RBL1: variants seen among roughly 807,000 people sequenced by gnomAD.
RBL1 encodes the protein RB transcriptional corepressor like 1, also known as retinoblastoma-like protein 1.
Under a neutral mutation model 123.0 loss-of-function variants are expected in RBL1, and 82 were observed. The observed-to-expected ratio is 0.67, with a 90% CI of 0.56 to 0.80. The LOEUF (loss-of-function observed/expected upper bound fraction) is 0.80. Ranked by LOEUF, RBL1 falls within the 30% of genes least tolerant of loss-of-function variation. The pLI, the probability that RBL1 is intolerant of heterozygous loss-of-function variation, is 0.00. For missense variants in RBL1, 1,171 were observed against 1,299.6 expected, an observed-to-expected ratio of 0.90 and a Z score of 1.52; for synonymous variants, 405 against 441.3, an observed-to-expected ratio of 0.92 and a Z score of 1.03.
chr20:37,073,858 A>G (rs2065321334), intron 2 of RBL1, among the ~76,000 whole-genome samples: 1 of 151,858 alleles, frequency 6.6e-6, no homozygotes, highest in African/African-American at 2.4e-5. Flanking sequence ...ATCTTATAAA[A>G]AAAATTAAAA....
At chr20:37,077,443 A>G (rs531020757) in intron 2 of RBL1, among the ~76,000 whole-genome samples, 7 of 152,264 alleles carry the variant, frequency 4.6e-5, no homozygotes, top group African/African-American at 1.7e-4. Context: ...AACTCATCCA[A>G]TCAGCTGAAG....
chr20:37,033,574 C>T (rs1358584820), intron 15 of RBL1, among the ~76,000 whole-genome samples: 1 of 150,782 alleles, frequency 6.6e-6, no homozygotes, highest in Non-Finnish European at 1.5e-5. Context: ...CTTGGCCTCC[C>T]AAAATGCTAG....
intron 7 of RBL1, among the ~76,000 whole-genome samples, chr20:37,063,560 G>A (rs2065130221): frequency 6.6e-6 from 1 of 152,106 alleles, no homozygotes; most frequent in African/African-American, 2.4e-5. Context: ...TGCCTAGGCT[G>A]GAGTGCAATG....
At chr20:37,043,207 C>T (rs1022328720) in intron 13 of RBL1, among the ~76,000 whole-genome samples, 7 of 150,260 alleles carry the variant, frequency 4.7e-5, no homozygotes, top group Non-Finnish European at 1.0e-4. Context: ...TGTGGCCAGG[C>T]GCGGTGGCTC....
At chr20:37,037,644 TTAAAATGACTGAGTA>T (rs1180736903) in intron 14 of RBL1, among the ~76,000 whole-genome samples, 1 of 152,016 alleles carries the variant, frequency 6.6e-6, no homozygotes, top group Admixed American at 6.6e-5. Context: ...TTCCCACTGA[TTAAAATGACTGAGTA>T]TTCACATCTT....
At chr20:37,050,135 G>A (rs2064884936) in intron 11 of RBL1, among the ~76,000 whole-genome samples, 1 of 151,522 alleles carries the variant, frequency 6.6e-6, no homozygotes, top group South Asian at 2.1e-4. Context: ...AAGCAGTCAA[G>A]AAAATTTCGA....
chr20:37,047,511 C>T (rs112151795), intron 11 of RBL1, among the ~76,000 whole-genome samples: 6 of 152,206 alleles, frequency 3.9e-5, no homozygotes, highest in African/African-American at 7.2e-5. Flanking sequence ...GTTTTGTCAA[C>T]ATAAGGGTTT....
At chr20:37,077,055 G>A (rs2065375496) in intron 2 of RBL1, among the ~76,000 whole-genome samples, 1 of 151,174 alleles carries the variant, frequency 6.6e-6, no homozygotes, top group African/African-American at 2.4e-5. Flanking sequence ...TCCTGTCTCA[G>A]CCTCCCGAAT....
rs1600427789 is a variant in RBL1 at position 37,000,225 on chromosome 20, C to T, written c.3037-1296G>A. On this transcript the variant is annotated intron_variant, in intron 21 of 21. Transcript: ENST00000373664. ...GAGCCCCTCCGCCCAGCAGCCACAC[C>T]CTCTGAGAAGTGAGGAGCCCCTCCG... Among the ~76,000 whole-genome samples, 8 of 147,464 alleles carry T rather than the reference C, an allele frequency of 5.4e-5. No homozygotes were observed. In the South Asian group the frequency reaches 1.7e-3, roughly 32 times the overall value.
intron 19 of RBL1, among the ~76,000 whole-genome samples, chr20:37,009,130 C>T (rs2064116213): frequency 6.6e-6 from 1 of 152,004 alleles, no homozygotes; most frequent in African/African-American, 2.4e-5. Flanking sequence ...GATCCAGCGA[C>T]TCTCCTGCCT....
chr20:37,084,915 C>T (rs966643963), intron 2 of RBL1, among the ~76,000 whole-genome samples: 1 of 151,298 alleles, frequency 6.6e-6, no homozygotes, highest in East Asian at 2.0e-4. Context: ...ACAGGTGTGC[C>T]CCACCATGCC....
intron 16 of RBL1, among the ~76,000 whole-genome samples, chr20:37,025,664 T>G (rs959619578): frequency 6.6e-6 from 1 of 151,980 alleles, no homozygotes; most frequent in Non-Finnish European, 1.5e-5. Context: ...GCAGATATGA[T>G]ATCTGGAAGG....
intron 21 of RBL1, among the ~76,000 whole-genome samples, chr20:37,000,890 G>A (rs1333447171): frequency 2.9e-5 from 4 of 140,038 alleles, no homozygotes; most frequent in Non-Finnish European, 4.7e-5. Flanking sequence ...CCGTCCAGGA[G>A]GGAGGTGGGG....
intron 21 of RBL1, among the ~76,000 whole-genome samples, chr20:37,001,137 C>T (rs1230871099): frequency 6.7e-6 from 1 of 148,510 alleles, no homozygotes; most frequent in African/African-American, 2.5e-5. Context: ...GGGTCAGCCC[C>T]CCGCCCGGCC....
chr20:37,036,871 C>T (rs191751243), intron 14 of RBL1, among the ~76,000 whole-genome samples: 161 of 152,072 alleles, frequency 1.1e-3, no homozygotes, highest in African/African-American at 3.8e-3. Flanking sequence ...GTGATCTGCC[C>T]GCCTCGGCCT....
chr20:37,062,319 T>A (rs1002908985), intron 7 of RBL1, 49 bp from the exon 8 acceptor site: 11 of 1,571,586 alleles, frequency 7.0e-6, no homozygotes, highest in Non-Finnish European at 9.5e-6. Flanking sequence ...CACAATGGAT[T>A]TATTTTGACT....
intron 2 of RBL1, among the ~76,000 whole-genome samples, chr20:37,078,193 T>C (rs2065394555): frequency 6.6e-6 from 1 of 152,218 alleles, no homozygotes. Flanking sequence ...CCATTACTGA[T>C]AACTTTGTAC....
chr20:36,999,885 C>G (rs576376465), intron 21 of RBL1, among the ~76,000 whole-genome samples: 2 of 152,156 alleles, frequency 1.3e-5, no homozygotes, highest in Non-Finnish European at 2.9e-5. Flanking sequence ...CGCAAAGTGC[C>G]GAGATTGCAG....
At chr20:37,040,094 T>C in intron 14 of RBL1, 59 bp downstream of exon 14, 2 of 1,597,346 alleles carry the variant, frequency 1.3e-6, no homozygotes, top group Non-Finnish European at 1.7e-6. Flanking sequence ...AAATTTTCCC[T>C]GAAAAAAAGC....
Sources: allele counts gnomAD v4.1 joint callset (sites outside exome capture counted in the v4.1 genomes callset), GRCh38; gene constraint gnomAD v4.1.1; transcripts MANE v1.5; gene names NCBI Gene and HGNC (gene_info 2026-07-23, HGNC 2026-07-21).